The following CDKN2B-AS1 variants were observed in gnomAD, a reference collection of about 807,000 sequenced individuals.
The protein encoded by CDKN2B-AS1 is CDKN2B and CDKN2A antisense cis and trans regulatory RNA 1.
Position 21,999,129 on chromosome 9 carries a change from CAGG to C in CDKN2B-AS1, n.29+3970_29+3972del. Among the ~76,000 whole-genome samples the C allele has an allele frequency of 6.6e-6, 1 of 152,144 alleles. No individual in the cohort carries two copies. Among genetic ancestry groups the C allele is most frequent in the Non-Finnish European group, 1.5e-5 (1 of 67,954 alleles). On this transcript the variant is annotated intron_variant and non_coding_transcript_variant, in intron 1 of 4. Coordinates refer to ENST00000650946, the Ensembl canonical transcript of CDKN2B-AS1. The surrounding 1 kb of genome is among the most constrained non-coding windows in gnomAD (Gnocchi z 4.7). ...AAAAAGACTACTTTGACAAAGTTGTCAGGAAACAATCACTCTTACTATTACAAC... is the reference window on the plus strand; with the variant it reads ...AAAAAGACTACTTTGACAAAGTTGTCAAACAATCACTCTTACTATTACAAC...
rs566660646 is a variant in CDKN2B-AS1 at position 22,105,233 on chromosome 9, G to A, written n.439-21870G>A. On this transcript the variant is annotated intron_variant and non_coding_transcript_variant, in intron 4 of 4. Transcript: ENST00000650946. Reference sequence around the variant, plus strand: ...AGCTGCACATATGAAGACTATGGAGGGTATATCATCAGCGGAAATGAAAGT... The same window carrying A: ...AGCTGCACATATGAAGACTATGGAGAGTATATCATCAGCGGAAATGAAAGT... Among the ~76,000 whole-genome samples the A allele has an allele frequency of 7.0e-4, 107 of 152,162 alleles. 1 individual carries two copies. Among genetic ancestry groups the A allele is most frequent in the African/African-American group, 2.4e-3 (101 of 41,520 alleles).
chr9:21,996,410 T>C lies in CDKN2B-AS1; in HGVS notation n.29+1249T>C, dbSNP rs1411515121. On this transcript the variant is annotated intron_variant and non_coding_transcript_variant, in intron 1 of 4. Transcript: ENST00000650946. This position sits in a 1 kb window ranked among gnomAD's most constrained non-coding sequence, Gnocchi z 5.4. ...CCACATGCCACCTTTCTGTCTAGTATGGCTGCTCTTTCTCCCTCTTCGCAA... is the reference window on the plus strand; with the variant it reads ...CCACATGCCACCTTTCTGTCTAGTACGGCTGCTCTTTCTCCCTCTTCGCAA... Among the ~76,000 whole-genome samples, 2 of 152,204 alleles carry C rather than the reference T, an allele frequency of 1.3e-5. No individual in the cohort carries two copies. The highest frequency in any genetic ancestry group is 2.9e-5 in the Non-Finnish European group (2 of 68,032).
At chr9:22,084,584 G>A (rs1276762855) in intron 4 of CDKN2B-AS1, among the ~76,000 whole-genome samples, 2 of 152,056 alleles carry the variant, frequency 1.3e-5, no homozygotes, top group Non-Finnish European at 2.9e-5. Context: ...TGTGATATGG[G>A]TTTTTGTCTC....
intron 4 of CDKN2B-AS1, among the ~76,000 whole-genome samples, chr9:22,115,375 G>A (rs773789138): frequency 6.6e-6 from 1 of 152,124 alleles, no homozygotes; most frequent in Non-Finnish European, 1.5e-5. Flanking sequence ...AAACTAGGAT[G>A]GTTCTGAGAA....
At chr9:22,108,289 G>A (rs1249931124) in intron 4 of CDKN2B-AS1, among the ~76,000 whole-genome samples, 1 of 152,132 alleles carries the variant, frequency 6.6e-6, no homozygotes, top group Non-Finnish European at 1.5e-5. Context: ...GGTAGACTGG[G>A]TACTCCATTT....
rs930595711 is a variant in CDKN2B-AS1 at position 22,006,307 on chromosome 9, C to T, written n.29+11146C>T. 1.6e-5 allele frequency: 26 copies of T among 1,595,540 alleles called. No individual in the cohort carries two copies. The highest frequency in any genetic ancestry group is 4.5e-5 in the East Asian group (2 of 44,812). ...GGGGGCAGGTATGGGAGATGCCGGC[C>T]GGGGCAAGGCAGGTGGAGCCATTTA... is the stretch of plus-strand genomic sequence containing the variant. On this transcript the variant is annotated intron_variant and non_coding_transcript_variant, in intron 1 of 4. Coordinates refer to ENST00000650946, the Ensembl canonical transcript of CDKN2B-AS1. This position sits in a 1 kb window ranked among gnomAD's most constrained non-coding sequence, Gnocchi z 6.4.
Position 21,999,584 on chromosome 9 carries a change from G to T in CDKN2B-AS1, n.29+4423G>T, listed in dbSNP as rs116287682. 3.8e-3 allele frequency among the ~76,000 whole-genome samples: 585 copies of T among 152,152 alleles called. 7 individuals carry two copies. The highest frequency in any genetic ancestry group is 0.013 in the African/African-American group (549 of 41,526). On this transcript the variant is annotated intron_variant and non_coding_transcript_variant, in intron 1 of 4. Coordinates refer to ENST00000650946, the Ensembl canonical transcript of CDKN2B-AS1. The surrounding 1 kb of genome is among the most constrained non-coding windows in gnomAD (Gnocchi z 4.7). ...TACACCTACAGACACATTTAGATAT[G>T]TAACTTCAGCTAAAGCAATTCACTC...
intron 1 of CDKN2B-AS1, among the ~76,000 whole-genome samples, chr9:22,044,984 T>A (rs1823044997): frequency 6.6e-6 from 1 of 151,876 alleles, no homozygotes; most frequent in African/African-American, 2.4e-5. Flanking sequence ...ATACTTATTT[T>A]GTAACTTTTT....
chr9:22,047,440 A>G (rs949963583), intron 2 of CDKN2B-AS1, among the ~76,000 whole-genome samples: 7 of 152,188 alleles, frequency 4.6e-5, no homozygotes, highest in African/African-American at 1.7e-4. Flanking sequence ...CCCTTTCACT[A>G]CTAGTGGTAA....
chr9:22,042,429 C>G (rs931058619), intron 1 of CDKN2B-AS1, among the ~76,000 whole-genome samples: 5 of 151,954 alleles, frequency 3.3e-5, no homozygotes, highest in Non-Finnish European at 7.4e-5. Context: ...CTTTAAAAAG[C>G]AGAAAGTGAA....
Position 22,005,733 on chromosome 9 carries a change from C to G in CDKN2B-AS1, n.29+10572C>G. ...CAAACGACCCCTGGAATGTCACACA[C>G]TCCTAAATATCCCTGGAAATCCGCT... On this transcript the variant is annotated intron_variant and non_coding_transcript_variant, in intron 1 of 4. Transcript: ENST00000650946. The surrounding 1 kb of genome is among the most constrained non-coding windows in gnomAD (Gnocchi z 4.9). 4 of 594,418 alleles carry G rather than the reference C, an allele frequency of 6.7e-6. No homozygotes were observed. The South Asian group carries it at 7.9e-5, about 12-fold the overall frequency. 36.8% of individuals were successfully genotyped at this position (594,418 alleles called of 1,614,324 possible).
At chr9:22,004,558 C>T (rs1821075083) in intron 1 of CDKN2B-AS1, 1 of 232,392 alleles carries the variant, frequency 4.3e-6, no homozygotes, top group South Asian at 1.8e-4. Flanking sequence ...TTACCCACCT[C>T]TTGGAGTTCA....
In CDKN2B-AS1 at chr9:22,050,660, C is replaced by T. The variant is rs1043522105; in HGVS notation, n.302+1432C>T. ...AGCTTCTTCTGTAGCAGTTTTCTGG[C>T]GGTGAAAAGTCTGTACTAAGACAAT... On this transcript the variant is annotated intron_variant and non_coding_transcript_variant, in intron 3 of 4. Transcript: ENST00000650946. 7.2e-5 allele frequency among the ~76,000 whole-genome samples: 11 copies of T among 152,092 alleles called. No homozygotes were observed. The East Asian group carries it at 1.2e-3, about 16-fold the overall frequency.
intron 4 of CDKN2B-AS1, among the ~76,000 whole-genome samples, chr9:22,090,912 C>A (rs1214229089): frequency 2.0e-5 from 3 of 152,060 alleles, no homozygotes; most frequent in African/African-American, 7.3e-5. Flanking sequence ...ATGCCTATGT[C>A]CTGAATGGTA....
intron 3 of CDKN2B-AS1, among the ~76,000 whole-genome samples, chr9:22,053,957 TAA>T (rs10712703): frequency 1.9e-4 from 28 of 149,452 alleles, no homozygotes; most frequent in African/African-American, 3.9e-4. Context: ...AGCCTTAAAT[TAA>T]AAAAAAAAAA....
At chr9:22,080,996 A>C (rs1824673226) in intron 4 of CDKN2B-AS1, among the ~76,000 whole-genome samples, 1 of 152,198 alleles carries the variant, frequency 6.6e-6, no homozygotes, top group Non-Finnish European at 1.5e-5. Flanking sequence ...TAAAGAGTTT[A>C]ATCTCCACTC....
intron 3 of CDKN2B-AS1, among the ~76,000 whole-genome samples, chr9:22,051,590 C>T (rs1042408307): frequency 6.6e-6 from 1 of 152,038 alleles, no homozygotes; most frequent in African/African-American, 2.4e-5. Flanking sequence ...TCCAAATTTG[C>T]AATTTGGCAG....
chr9:22,089,977 C>A (rs1258505587), intron 4 of CDKN2B-AS1, among the ~76,000 whole-genome samples: 1 of 116,974 alleles, frequency 8.5e-6, no homozygotes, highest in Middle Eastern at 5.4e-3. Flanking sequence ...TCCCTCCCCC[C>A]TCCCCCCACC....
chr9:22,127,781 A>G (rs958163315), exon 5 of CDKN2B-AS1, among the ~76,000 whole-genome samples: 1 of 152,214 alleles, frequency 6.6e-6, no homozygotes, highest in African/African-American at 2.4e-5. Flanking sequence ...GAAAACTCTA[A>G]TTGTAGAACT....
Sources: allele counts gnomAD v4.1 joint callset (sites outside exome capture counted in the v4.1 genomes callset), GRCh38; gene constraint gnomAD v4.1.1; non-coding constraint Gnocchi (gnomAD v3.1); transcripts MANE v1.5; gene names NCBI Gene and HGNC (gene_info 2026-07-23, HGNC 2026-07-21).